The following GGT7 variants were observed in gnomAD, a reference collection of about 807,000 sequenced individuals.
GGT7 encodes gamma-glutamyltransferase 7.
Under a neutral mutation model 69.2 loss-of-function variants are expected in GGT7, and 30 were observed. The observed-to-expected ratio is 0.43, with a 90% CI of 0.32 to 0.59. The LOEUF is 0.59. GGT7 is among the 20% of genes least tolerant of loss of function. GGT7 has a pLI of 0.05. For missense variants in GGT7, 733 were observed against 901.1 expected (o/e 0.81, Z 2.39); for synonymous variants, 388 against 391.8 (o/e 0.99, Z 0.12).
intron 1 of GGT7, among the ~76,000 whole-genome samples, chr20:34,866,072 C>T (rs145549101): frequency 6.6e-6 from 1 of 152,286 alleles, no homozygotes; most frequent in Non-Finnish European, 1.5e-5. Flanking sequence ...AACATCTAAG[C>T]TCCTTGTGGT....
In GGT7 at chr20:34,845,151, C is replaced by CCAT; in HGVS notation, c.*176_*177insATG. 1 of 547,058 alleles carries CCAT rather than the reference C, an allele frequency of 1.8e-6. No individual in the cohort carries two copies. The highest frequency in any genetic ancestry group is 2.0e-5 in the South Asian group (1 of 49,070). The allele number at this position is 547,058 out of a possible 1,614,324, so 33.9% of individuals were successfully genotyped here. A position where few individuals can be genotyped will look rare whatever the true frequency, so the allele number is the denominator to read the frequency against. On this transcript the variant is annotated 3_prime_UTR_variant, in exon 15 of 15. Transcript: ENST00000336431. ...ACCACCACCACCACCACCACCACCA[C>CCAT]CACAGGCCTCCTGATGGAGAATTTT...
intron 1 of GGT7, among the ~76,000 whole-genome samples, chr20:34,867,261 A>G (rs1398231530): frequency 6.6e-6 from 1 of 152,196 alleles, no homozygotes; most frequent in South Asian, 2.1e-4. Context: ...AAGGGTTTTG[A>G]ACTTATATTT....
intron 10 of GGT7, 92 bp from the exon 11 acceptor site, chr20:34,852,630 T>C: frequency 2.4e-6 from 3 of 1,233,776 alleles, no homozygotes; most frequent in Non-Finnish European, 3.3e-6. Flanking sequence ...AATTATTTGA[T>C]GAAATCTACC....
In GGT7 at chr20:34,872,825, C is replaced by T. The variant is rs926083292; in HGVS notation, c.-10G>A. 1.5e-6 allele frequency: 2 copies of T among 1,336,642 alleles called. No individual in the cohort carries two copies. Among genetic ancestry groups the T allele is most frequent in the Non-Finnish European group, 1.9e-6 (2 of 1,037,098 alleles). The allele number at this position is 1,336,642 out of a possible 1,614,324, so 82.8% of individuals were successfully genotyped here. ...CGTTCTCCGCCGCCATCCTCGCCCG[C>T]GCCCCCCAGCAGCGCAGCGCCTGCC... On this transcript the variant is annotated 5_prime_UTR_variant, in exon 1 of 15. Coordinates refer to ENST00000336431, the MANE Select transcript of GGT7 (RefSeq NM_178026.3).
Position 34,863,782 on chromosome 20 carries a change from C to G in GGT7, c.170-234G>C. 1 of 704,486 alleles carries G rather than the reference C, an allele frequency of 1.4e-6. No homozygotes were observed. 43.6% of individuals were successfully genotyped at this position (704,486 alleles called of 1,614,324 possible). A position where few individuals can be genotyped will look rare whatever the true frequency, so the allele number is the denominator to read the frequency against. On this transcript the variant is annotated intron_variant, in intron 1 of 14. Coordinates refer to ENST00000336431, the MANE Select transcript of GGT7 (RefSeq NM_178026.3). The surrounding 1 kb of genome is among the most constrained non-coding windows in gnomAD (Gnocchi z 4.4). Reference sequence around the variant, plus strand: ...CTGGGCAGCAGGGAGGCTGGATTCCCGCCCCTCCCTGATACCTAGGCCAAA... The same window carrying G: ...CTGGGCAGCAGGGAGGCTGGATTCCGGCCCCTCCCTGATACCTAGGCCAAA...
intron 14 of GGT7, among the ~76,000 whole-genome samples, chr20:34,849,443 G>A (rs190982564): frequency 6.6e-6 from 1 of 152,198 alleles, no homozygotes; most frequent in African/African-American, 2.4e-5. Context: ...GGGATTATAG[G>A]TCTGAGCCAT....
intron 5 of GGT7, 34 bp from the exon 6 acceptor site, chr20:34,860,076 T>C: frequency 4.1e-6 from 2 of 489,760 alleles, no homozygotes; most frequent in Non-Finnish European, 7.0e-6. Flanking sequence ...GTGGAGGAGG[T>C]CCTGGGGGAA....
At chr20:34,871,409 T>G (rs942045802) in intron 1 of GGT7, among the ~76,000 whole-genome samples, 1 of 152,168 alleles carries the variant, frequency 6.6e-6, no homozygotes, top group African/African-American at 2.4e-5. Context: ...CAGGCTGATA[T>G]CCATCATGAC....
At chr20:34,868,974 A>T (rs982446415) in intron 1 of GGT7, among the ~76,000 whole-genome samples, 11 of 152,140 alleles carry the variant, frequency 7.2e-5, no homozygotes, top group African/African-American at 2.7e-4. Context: ...CTTTTCAGTT[A>T]TGCTACCCAG....
At chr20:34,872,521 G>A in intron 1 of GGT7, 126 bp downstream of exon 1, 1 of 654,566 alleles carries the variant, frequency 1.5e-6, no homozygotes, top group Non-Finnish European at 2.3e-6. Context: ...CAAGGGAGAA[G>A]AAGGGAGAGA....
chr20:34,855,949 C>T (rs191114318), intron 8 of GGT7, among the ~76,000 whole-genome samples: 11 of 152,218 alleles, frequency 7.2e-5, no homozygotes, highest in Admixed American at 2.0e-4. Flanking sequence ...TACACCACCA[C>T]GCCTGGGTAA....
intron 7 of GGT7, among the ~76,000 whole-genome samples, chr20:34,859,060 C>T (rs1248698817): frequency 2.6e-5 from 4 of 152,000 alleles, no homozygotes; most frequent in Non-Finnish European, 5.9e-5. Context: ...ATCCCAGTTA[C>T]TCGGGAGGCT....
rs527960008 is a variant in GGT7, at chr20:34,854,217, G to A, written c.1319+314C>T. On this transcript the variant is annotated intron_variant, in intron 10 of 14. Transcript: ENST00000336431. ...CTCCCAAAGTACTGGGATTACAGGCGTGAGCCACCGTGCCTGGCTTTTGTT... is the reference window on the plus strand; with the variant it reads ...CTCCCAAAGTACTGGGATTACAGGCATGAGCCACCGTGCCTGGCTTTTGTT... Among the ~76,000 whole-genome samples the A allele has an allele frequency of 1.7e-4, 26 of 152,324 alleles. No individual in the cohort carries two copies. The South Asian group carries it at 2.9e-3, about 17-fold the overall frequency.
intron 10 of GGT7, among the ~76,000 whole-genome samples, chr20:34,852,925 G>C (rs1442905911): frequency 2.0e-5 from 3 of 150,922 alleles, no homozygotes; most frequent in Non-Finnish European, 4.4e-5. Flanking sequence ...GAGTTTAGTT[G>C]GGGGAGGATT....
chr20:34,852,302 C>G (rs1254951899), intron 11 of GGT7, 30 bp from the exon 12 acceptor site: 1 of 1,603,334 alleles, frequency 6.2e-7, no homozygotes, highest in Non-Finnish European at 8.5e-7. Context: ...TGGGTGAGCC[C>G]TGGCCCATCC....
intron 1 of GGT7, among the ~76,000 whole-genome samples, chr20:34,866,984 TA>T (rs2146929120): frequency 6.6e-6 from 1 of 152,334 alleles, no homozygotes; most frequent in East Asian, 1.9e-4. Context: ...AGTCTGTAAA[TA>T]AAACTGGAAT....
At position 34,859,627 on chromosome 20, in the gene GGT7, G is replaced by T. The variant is rs767123266; in HGVS notation, c.830C>A (p.Ala277Asp). The change falls in exon 7 of 15, where the codon GCT (alanine) becomes GAT (aspartate). Residue 277 changes from alanine to aspartate, a missense_variant. By Grantham distance (126) the Ala-to-Asp change is moderately radical. Transcript: ENST00000336431. ...NVTHDLARAL[A>D]EQLPPNMSER... Reference sequence around the variant, plus strand: ...GGACATGTTGGGTGGCAGCTGTTCAGCCAGGGCACGGGCTAGGGGCAGGGA... The same window carrying T: ...GGACATGTTGGGTGGCAGCTGTTCATCCAGGGCACGGGCTAGGGGCAGGGA... 1.3e-6 allele frequency: 2 copies of T among 1,596,588 alleles called. No individual in the cohort carries two copies. The highest frequency in any genetic ancestry group is 1.7e-4 in the Middle Eastern group (1 of 6,020).
In GGT7 at chr20:34,863,047, C is replaced by A; in HGVS notation, c.406-82G>T. 7.2e-7 allele frequency: 1 copy of A among 1,389,720 alleles called. No homozygotes were observed. Among genetic ancestry groups the A allele is most frequent in the Admixed American group, 2.1e-5 (1 of 47,654 alleles). 86.1% of individuals were successfully genotyped at this position (1,389,720 alleles called of 1,614,324 possible). On this transcript the variant is annotated intron_variant, in intron 2 of 14. Coordinates refer to ENST00000336431, the MANE Select transcript of GGT7 (RefSeq NM_178026.3). The surrounding 1 kb of genome is among the most constrained non-coding windows in gnomAD (Gnocchi z 4.4). ...CACCTCCACTAGCCCTAGAACTCTA[C>A]GCGGCATGAAGGTCGAAGCCCTGCC...
Position 34,852,397 on chromosome 20 carries a change from G to A in GGT7, c.1461C>T (p.Ala487=). 6.2e-7 allele frequency: 1 copy of A among 1,614,064 alleles called. No homozygotes were observed. Among genetic ancestry groups the A allele is most frequent in the Non-Finnish European group, 8.5e-7 (1 of 1,180,000 alleles). The change falls in exon 11 of 15, where the codon GCC becomes GCT. Residue 487 remains alanine, a synonymous_variant. Transcript: ENST00000336431. Reference sequence around the variant, plus strand: ...AGTCTGAGCTGGCATACCTAACCATGGCCACAATGAAGTCATCAGGTCCCA... The same window carrying A: ...AGTCTGAGCTGGCATACCTAACCATAGCCACAATGAAGTCATCAGGTCCCA... ...LIMGPDDFIV[A]MVSSLNQPFG...
Sources: allele counts gnomAD v4.1 joint callset (sites outside exome capture counted in the v4.1 genomes callset), GRCh38; gene constraint gnomAD v4.1.1; non-coding constraint Gnocchi (gnomAD v3.1); transcripts MANE v1.5; gene names NCBI Gene and HGNC (gene_info 2026-07-23, HGNC 2026-07-21).